Variants in IL22RA1 observed in about 807,000 individuals in gnomAD.
The protein encoded by IL22RA1 is interleukin 22 receptor subunit alpha 1.
IL22RA1 carries 25 observed loss-of-function variants against 32.8 expected under a neutral mutation model. The ratio of observed to expected loss-of-function variants is 0.76; its 90% CI spans 0.55 to 1.06. The LOEUF (loss-of-function observed/expected upper bound fraction) is 1.06, where lower values mean the gene tolerates loss of function less well. Among genes scored for constraint, IL22RA1 ranks in the 50% least tolerant of loss-of-function variants. The pLI is 0.00. For synonymous variants in IL22RA1, 305 were observed against 305.0 expected, an observed-to-expected ratio of 1.00 and a Z score of 0.00; for missense variants, 709 against 727.4, an observed-to-expected ratio of 0.97 and a Z score of 0.29.
intron 5 of IL22RA1, 193 bp from the exon 6 acceptor site, chr1:24,123,616 A>G (rs1475444998): frequency 1.6e-6 from 2 of 1,248,114 alleles, no homozygotes; most frequent in East Asian, 2.7e-5. Context: ...TTTACAAATT[A>G]TATTTTTACA....
Position 24,141,938 on chromosome 1 carries a change from G to T in IL22RA1, c.43+1102C>A, listed in dbSNP as rs367739852. ...CATGCTCTGGAGTCAGCCTAAGATT[G>T]GGGGGGTGAGGGCCCGGTGTGTGCA... On this transcript the variant is annotated intron_variant, in intron 1 of 6. Coordinates refer to ENST00000270800, the MANE Select transcript of IL22RA1 (RefSeq NM_021258.4). 2.3e-4 allele frequency among the ~76,000 whole-genome samples: 35 copies of T among 152,258 alleles called. 1 individual carries two copies. Among genetic ancestry groups the T allele is most frequent in the African/African-American group, 8.2e-4 (34 of 41,550 alleles).
At chr1:24,130,868 C>A (rs919431223) in intron 4 of IL22RA1, among the ~76,000 whole-genome samples, 6 of 152,174 alleles carry the variant, frequency 3.9e-5, no homozygotes, top group African/African-American at 1.4e-4. Flanking sequence ...CCATGCCCAG[C>A]TGATTTTTGT....
chr1:24,128,418 C>G lies in IL22RA1; in HGVS notation c.532-139G>C. The G allele has an allele frequency of 4.0e-6, 4 of 988,020 alleles. No individual in the cohort carries two copies. The South Asian group carries it at 5.9e-5, about 15-fold the overall frequency. The allele number at this position is 988,020 out of a possible 1,614,324, so 61.2% of individuals were successfully genotyped here. A position where few individuals can be genotyped will look rare whatever the true frequency, so the allele number is the denominator to read the frequency against. On this transcript the variant is annotated intron_variant, in intron 4 of 6. Coordinates refer to ENST00000270800, the MANE Select transcript of IL22RA1 (RefSeq NM_021258.4). ...TTCAGCCTCTGTTTCCATTCCCCTCCCTTCTGCTTTATCCCCAAATCCAAT... is the reference window on the plus strand; with the variant it reads ...TTCAGCCTCTGTTTCCATTCCCCTCGCTTCTGCTTTATCCCCAAATCCAAT...
At chr1:24,126,088 G>A (rs1308535758) in intron 5 of IL22RA1, among the ~76,000 whole-genome samples, 1 of 152,234 alleles carries the variant, frequency 6.6e-6, no homozygotes, top group African/African-American at 2.4e-5. Flanking sequence ...GCCAGGAGCA[G>A]CTGAGATTTA....
At chr1:24,138,793 G>T in intron 1 of IL22RA1, 79 bp from the exon 2 acceptor site, 4 of 1,504,632 alleles carry the variant, frequency 2.7e-6, no homozygotes, top group Non-Finnish European at 3.6e-6. Flanking sequence ...TCAGAGTCCT[G>T]CCCCATATAA....
At position 24,120,688 on chromosome 1, in the gene IL22RA1, G is replaced by C; in HGVS notation, c.*117C>G. ...TGCCACTCCCTCTGCTTCTCTCAAG[G>C]GCACCCGTCTGAGGCCAGATCGCAG... On this transcript the variant is annotated 3_prime_UTR_variant, in exon 7 of 7. Coordinates refer to ENST00000270800, the MANE Select transcript of IL22RA1 (RefSeq NM_021258.4). 2.0e-6 allele frequency: 2 copies of C among 991,354 alleles called. No homozygotes were observed. Among genetic ancestry groups the C allele is most frequent in the South Asian group, 3.4e-5 (2 of 58,480 alleles). The allele number at this position is 991,354 out of a possible 1,614,324, so 61.4% of individuals were successfully genotyped here. A position where few individuals can be genotyped will look rare whatever the true frequency, so the allele number is the denominator to read the frequency against.
At chr1:24,128,011 T>A in intron 5 of IL22RA1, 130 bp downstream of exon 5, 1 of 894,276 alleles carries the variant, frequency 1.1e-6, no homozygotes, top group East Asian at 3.2e-5. Context: ...TTGACTTCAA[T>A]AACACACTGA....
At chr1:24,126,864 A>G (rs1233384585) in intron 5 of IL22RA1, among the ~76,000 whole-genome samples, 1 of 152,100 alleles carries the variant, frequency 6.6e-6, no homozygotes, top group Non-Finnish European at 1.5e-5. Flanking sequence ...CATCTCACTG[A>G]GCAGATGATT....
At chr1:24,125,945 T>C (rs1374028403) in intron 5 of IL22RA1, among the ~76,000 whole-genome samples, 3 of 152,196 alleles carry the variant, frequency 2.0e-5, no homozygotes, top group Admixed American at 1.3e-4. Context: ...GTGTGATTTA[T>C]ATAAAAGCTA....
rs756293986 is a variant in IL22RA1, at chr1:24,123,429, A to G, written c.671-6T>C. On this transcript the variant is annotated splice_region_variant and splice_polypyrimidine_tract_variant and intron_variant, in intron 5 of 6. Coordinates refer to ENST00000270800, the MANE Select transcript of IL22RA1 (RefSeq NM_021258.4). The stretch of plus-strand genomic sequence containing the variant: ...GGAGTAGGTCCATGTCCGGTCTGGG[A>G]AACCAAAGGGGCCAGAGAAGGAAGC... 1.2e-6 allele frequency: 2 copies of G among 1,612,708 alleles called. No individual in the cohort carries two copies. The highest frequency in any genetic ancestry group is 8.5e-7 in the Non-Finnish European group (1 of 1,179,460).
chr1:24,121,787 A>G (rs1644125071), intron 6 of IL22RA1, 50 bp from the exon 7 acceptor site: 1 of 1,393,076 alleles, frequency 7.2e-7, no homozygotes, highest in African/African-American at 1.4e-5. Context: ...GTAAGTCCCA[A>G]GCTCCCTACT....
At chr1:24,126,295 A>G (rs1644161169) in intron 5 of IL22RA1, among the ~76,000 whole-genome samples, 1 of 152,244 alleles carries the variant, frequency 6.6e-6, no homozygotes, top group African/African-American at 2.4e-5. Flanking sequence ...TCCCCTGCCA[A>G]TTGGTGCACT....
chr1:24,143,070 G>T lies in IL22RA1; in HGVS notation c.13C>A (p.Leu5Met). The T allele has an allele frequency of 6.2e-7, 1 of 1,613,360 alleles. No homozygotes were observed. The highest frequency in any genetic ancestry group is 8.5e-7 in the Non-Finnish European group (1 of 1,179,738). Residue 5 changes from leucine (L) to methionine (M), a missense_variant, in exon 1 of 7, where the codon CTG (leucine) becomes ATG (methionine). Leu to Met is a conservative substitution (Grantham distance 15, BLOSUM62 2). Coordinates refer to ENST00000270800, the MANE Select transcript of IL22RA1 (RefSeq NM_021258.4). MRTLLTILTVGSLAA... is the reference protein window; with the variant it reads MRTLMTILTVGSLAA... ...AGGGATCCCACAGTCAAGATGGTCA[G>T]CAGCGTCCTCATCGGGGCTGGCACA...
intron 3 of IL22RA1, 73 bp from the exon 4 acceptor site, chr1:24,134,459 C>G: frequency 8.5e-7 from 1 of 1,178,164 alleles, no homozygotes; most frequent in East Asian, 2.8e-5. Flanking sequence ...CAACCTTGGA[C>G]AGTGGAAAAT....
chr1:24,121,245 C>T lies in IL22RA1; in HGVS notation c.1285G>A (p.Gly429Ser), dbSNP rs769676120. Residue 429 changes from glycine (G) to serine (S), a missense_variant, in exon 7 of 7, where the codon GGT becomes AGT. Transcript: ENST00000270800. Reference protein sequence around the residue: ...LSSPKHLRPKGQLQKEPPAGS... With the variant: ...LSSPKHLRPKSQLQKEPPAGS... Reference sequence around the variant, plus strand: ...GCTGGTGGCTCTTTCTGAAGCTGACCTTTAGGCCTAAGGTGTTTAGGACTA... The same window carrying T: ...GCTGGTGGCTCTTTCTGAAGCTGACTTTTAGGCCTAAGGTGTTTAGGACTA... 18 of 1,614,074 alleles carry T rather than the reference C, an allele frequency of 1.1e-5. No homozygotes were observed. Among genetic ancestry groups the T allele is most frequent in the Non-Finnish European group, 1.4e-5 (17 of 1,180,040 alleles).
rs751908237 is a variant in IL22RA1, at chr1:24,121,170, C to G, written c.1360G>C (p.Ala454Pro). Residue 454 changes from alanine (A) to proline (P), a missense_variant, in exon 7 of 7, where the codon GCT becomes CCT. Ala to Pro is a conservative substitution (Grantham distance 27). Transcript: ENST00000270800. ...TTTGCTTCTTGGGATTCCTCCATAG[C>G]CAAGGAGGTCACCTCCTGCAGAGAA... ...GLSLQEVTSL[A>P]MEESQEAKSL... 3.7e-6 allele frequency: 6 copies of G among 1,614,198 alleles called. No individual in the cohort carries two copies. Among genetic ancestry groups the G allele is most frequent in the Non-Finnish European group, 4.2e-6 (5 of 1,180,030 alleles).
At chr1:24,137,353 C>T (rs761493184) in intron 2 of IL22RA1, 44 bp from the exon 3 acceptor site, 2 of 1,583,138 alleles carry the variant, frequency 1.3e-6, no homozygotes, top group South Asian at 2.2e-5. Context: ...GATGAAAAGG[C>T]CAGCGCTAGG....
chr1:24,123,225 T>C (rs1644137368), intron 6 of IL22RA1, 77 bp downstream of exon 6: 1 of 1,529,826 alleles, frequency 6.5e-7, no homozygotes, highest in Non-Finnish European at 8.8e-7. Flanking sequence ...GATCCCTGCA[T>C]TTTGGGGACA....
Position 24,137,201 on chromosome 1 carries a change from C to G in IL22RA1, c.285G>C (p.Arg95Ser), listed in dbSNP as rs1173331838. Reference sequence around the variant, plus strand: ...GGCCTCCCGCACTGACAGCGGTGACCCTGGCATAGTAGAGCTCCGTGAGGT... The same window carrying G: ...GGCCTCCCGCACTGACAGCGGTGACGCTGGCATAGTAGAGCTCCGTGAGGT... The part of the protein sequence containing the change: ...TGNLTELYYA[R>S]VTAVSAGGRS... The change falls in exon 3 of 7, where the codon AGG (arginine) becomes AGC (serine). Residue 95 changes from arginine to serine, a missense_variant. Arg to Ser is a moderately radical substitution (Grantham distance 110, BLOSUM62 -1). Transcript: ENST00000270800. 6.2e-7 allele frequency: 1 copy of G among 1,614,146 alleles called. No individual in the cohort carries two copies. The highest frequency in any genetic ancestry group is 8.5e-7 in the Non-Finnish European group (1 of 1,180,034).
Sources: allele counts gnomAD v4.1 joint callset (sites outside exome capture counted in the v4.1 genomes callset), GRCh38; gene constraint gnomAD v4.1.1; transcripts MANE v1.5; gene names NCBI Gene and HGNC (gene_info 2026-07-23, HGNC 2026-07-21).